SIDT2: variants seen among roughly 807,000 people sequenced by gnomAD.
SIDT2 encodes SID1 transmembrane family, member 2.
In SIDT2, 68 loss-of-function variants were observed where a neutral mutation model predicts 114.4. That is an observed-to-expected ratio of 0.59 (90% CI 0.49 to 0.73). The LOEUF is 0.73. Among genes scored for constraint, SIDT2 ranks in the 30% least tolerant of loss-of-function variants. SIDT2 has a pLI of 0.00. For synonymous variants in SIDT2, 470 were observed against 438.4 expected, an observed-to-expected ratio of 1.07 and a Z score of -0.90; for missense variants, 918 against 1,097.1, an observed-to-expected ratio of 0.84 and a Z score of 2.31.
chr11:117,192,866 TGTGA>T lies in SIDT2; in HGVS notation c.2105+3_2105+6del, dbSNP rs770346143. Reference sequence around the variant, plus strand: ...ATGGGCAACGTCATCAACTGGTCGCTGTGAGTATGGTCAGCAGTAGTGGCCTGGT... The same window carrying T: ...ATGGGCAACGTCATCAACTGGTCGCTGTATGGTCAGCAGTAGTGGCCTGGT... On this transcript the variant is annotated splice_donor_variant and splice_donor_region_variant and intron_variant, in intron 22 of 25. Transcript: ENST00000324225. LOFTEE classifies it high-confidence loss of function. The surrounding 1 kb of genome is among the most constrained non-coding windows in gnomAD (Gnocchi z 5.9). 8 of 1,613,970 alleles carry T rather than the reference TGTGA, an allele frequency of 5.0e-6. No individual in the cohort carries two copies. Among genetic ancestry groups the T allele is most frequent in the African/African-American group, 1.3e-5 (1 of 74,928 alleles).
chr11:117,192,582 A>G lies in SIDT2; in HGVS notation c.1990A>G (p.Ile664Val). 1 of 1,606,528 alleles carries G rather than the reference A, an allele frequency of 6.2e-7. No individual in the cohort carries two copies. Among genetic ancestry groups the G allele is most frequent in the Non-Finnish European group, 8.5e-7 (1 of 1,178,932 alleles). ...YMGRWKLDSG[I>V]FRRILHVLYT... The stretch of plus-strand genomic sequence containing the variant: ...CTCCCTTCTCTTCGCAGACTCGGGG[A>G]TCTTCCGCCGCATCCTCCACGTGCT... Residue 664 changes from isoleucine to valine, a missense_variant, in exon 21 of 26, where the codon ATC (isoleucine) becomes GTC (valine). By Grantham distance (29) the Ile-to-Val change is conservative (BLOSUM62 3). Coordinates refer to ENST00000324225, the MANE Select transcript of SIDT2 (RefSeq NM_001040455.2). This position sits in a 1 kb window ranked among gnomAD's most constrained non-coding sequence, Gnocchi z 5.9.
rs1290623542 is a variant in SIDT2 at position 117,191,873 on chromosome 11, C to T, written c.1736-5C>T. The stretch of plus-strand genomic sequence containing the variant: ...TGCAGCTCCCTTCCGTGTCCCTCAT[C>T]CTAGACACATCGTTCATGTACATGA... On this transcript the variant is annotated splice_polypyrimidine_tract_variant and splice_region_variant and intron_variant, in intron 18 of 25. Coordinates refer to ENST00000324225, the MANE Select transcript of SIDT2 (RefSeq NM_001040455.2). 2 of 1,614,004 alleles carry T rather than the reference C, an allele frequency of 1.2e-6. No individual in the cohort carries two copies. The highest frequency in any genetic ancestry group is 2.2e-5 in the East Asian group (1 of 44,882).
chr11:117,192,649 T>A lies in SIDT2; in HGVS notation c.2057T>A (p.Val686Glu). Residue 686 changes from valine to glutamate, a missense_variant and splice_region_variant, in exon 21 of 26, where the codon GTG becomes GAG. Physicochemically the swap from Val to Glu is moderately radical, Grantham distance 121. This residue lies in a region of SIDT2 where 275 missense variants were observed against 397.6 expected (regional missense o/e 0.69). Transcript: ENST00000324225. This position sits in a 1 kb window ranked among gnomAD's most constrained non-coding sequence, Gnocchi z 5.9. ...CGGCAGTGCAGCGGGCCGCTCTACGTGGTACCTGCCTGGTTCCCCTGCTCC... is the reference window on the plus strand; with the variant it reads ...CGGCAGTGCAGCGGGCCGCTCTACGAGGTACCTGCCTGGTTCCCCTGCTCC... ...CIRQCSGPLY[V>E]DRMVLLVMGN... The A allele has an allele frequency of 6.2e-7, 1 of 1,612,720 alleles. No homozygotes were observed. Among genetic ancestry groups the A allele is most frequent in the Non-Finnish European group, 8.5e-7 (1 of 1,180,006 alleles).
chr11:117,186,308 C>T, intron 9 of SIDT2, 85 bp downstream of exon 9: 2 of 1,233,912 alleles, frequency 1.6e-6, no homozygotes, highest in Admixed American at 1.7e-5. Flanking sequence ...TCTGAGCCAG[C>T]CTAGGGTAAT....
rs2030395329 is a variant in SIDT2 at position 117,183,884 on chromosome 11, T to C, written c.802+6T>C. 1 of 1,608,694 alleles carries C rather than the reference T, an allele frequency of 6.2e-7. No individual in the cohort carries two copies. ...TTTCTACCCCTTCGCAGAAGGTACA[T>C]TTTGTGCCCTGGGCCTGGCTAGGGA... On this transcript the variant is annotated splice_donor_region_variant and intron_variant, in intron 7 of 25. Transcript: ENST00000324225.
At chr11:117,186,031 G>A in intron 8 of SIDT2, 99 bp from the exon 9 acceptor site, 1 of 959,376 alleles carries the variant, frequency 1.0e-6, no homozygotes, top group East Asian at 2.4e-5. Context: ...AAGGGTGAGA[G>A]ATTGAGCTGG....
At chr11:117,180,782 T>C (rs1565283682) in intron 1 of SIDT2, among the ~76,000 whole-genome samples, 1 of 152,092 alleles carries the variant, frequency 6.6e-6, no homozygotes, top group Non-Finnish European at 1.5e-5. Flanking sequence ...ATGATCCTCC[T>C]GCCTTGGCCT....
Position 117,192,723 on chromosome 11 carries a change from T to C in SIDT2, c.2058+73T>C. ...CTCTGATGGGGGAGTGGGGCTGGGC[T>C]GAGGACCCAGGGGAGAGTGGGGACC... is the stretch of plus-strand genomic sequence containing the variant. On this transcript the variant is annotated intron_variant, in intron 21 of 25. Coordinates refer to ENST00000324225, the MANE Select transcript of SIDT2 (RefSeq NM_001040455.2). The surrounding 1 kb of genome is among the most constrained non-coding windows in gnomAD (Gnocchi z 5.9). The C allele has an allele frequency of 6.2e-7, 1 of 1,611,404 alleles. No individual in the cohort carries two copies. Among genetic ancestry groups the C allele is most frequent in the Non-Finnish European group, 8.5e-7 (1 of 1,178,208 alleles).
At chr11:117,187,558 T>C (rs2030545270) in intron 11 of SIDT2, 70 bp from the exon 12 acceptor site, 2 of 1,597,408 alleles carry the variant, frequency 1.3e-6, no homozygotes, top group Non-Finnish European at 1.7e-6. Context: ...CCCCACACCC[T>C]CTGCAGATGC....
intron 15 of SIDT2, 87 bp downstream of exon 15, chr11:117,189,488 C>T (rs2030622821): frequency 7.1e-7 from 1 of 1,407,414 alleles, no homozygotes; most frequent in Non-Finnish European, 9.8e-7. Flanking sequence ...CCCTGGTGTT[C>T]CATCACAGGA....
Position 117,186,050 on chromosome 11 carries a change from G to A in SIDT2, c.869-80G>A, listed in dbSNP as rs567689836. ...GTGAGAGATTGAGCTGGGTGGAGGA[G>A]GACATGAAGGCCTTTGGGTGCCATG... On this transcript the variant is annotated intron_variant, in intron 8 of 25. Transcript: ENST00000324225. 7.9e-4 allele frequency: 908 copies of A among 1,149,352 alleles called. 2 individuals are homozygous for A. Among genetic ancestry groups the A allele is most frequent in the Non-Finnish European group, 1.1e-3 (832 of 762,136 alleles). The allele number at this position is 1,149,352 out of a possible 1,614,324, so 71.2% of individuals were successfully genotyped here.
Position 117,190,522 on chromosome 11 carries a change from C to T in SIDT2, c.1618-101C>T, listed in dbSNP as rs892949365. On this transcript the variant is annotated intron_variant, in intron 17 of 25. Transcript: ENST00000324225. This position sits in a 1 kb window ranked among gnomAD's most constrained non-coding sequence, Gnocchi z 4.1. ...CACCCACACTCGACACATACCCCACCCCTTTTCCTCTTCCACTCCTCTTAG... is the reference window on the plus strand; with the variant it reads ...CACCCACACTCGACACATACCCCACTCCTTTTCCTCTTCCACTCCTCTTAG... 1.7e-6 allele frequency: 2 copies of T among 1,155,660 alleles called. No homozygotes were observed. Among genetic ancestry groups the T allele is most frequent in the South Asian group, 1.4e-5 (1 of 69,012 alleles). 71.6% of individuals were successfully genotyped at this position (1,155,660 alleles called of 1,614,324 possible).
chr11:117,182,950 C>T (rs1423411997), intron 6 of SIDT2, 144 bp downstream of exon 6: 8 of 856,482 alleles, frequency 9.3e-6, no homozygotes, highest in Middle Eastern at 3.6e-4. Flanking sequence ...ACTTTGAGTC[C>T]CCTGATATAT....
chr11:117,187,521 G>A (rs1565286607), intron 11 of SIDT2, 72 bp downstream of exon 11: 25 of 1,596,792 alleles, frequency 1.6e-5, no homozygotes, highest in Middle Eastern at 1.6e-4. Flanking sequence ...CCTCCGAGGC[G>A]GTAAAGTGGG....
rs76634080 is a variant in SIDT2, at chr11:117,179,294, C to G, written c.31C>G (p.Leu11Val). Reference sequence around the variant, plus strand: ...CGCTCTGGGCTTGCCCTTCTTGGTGCTCTTGGTGGCCTCGGTCGAGAGCCA... The same window carrying G: ...CGCTCTGGGCTTGCCCTTCTTGGTGGTCTTGGTGGCCTCGGTCGAGAGCCA... MFALGLPFLV[L>V]LVASVESHLG... The change falls in exon 1 of 26, where the codon CTC (leucine) becomes GTC (valine). Residue 11 changes from leucine to valine, a missense_variant. Transcript: ENST00000324225. 4.4e-4 allele frequency: 715 copies of G among 1,613,984 alleles called. 4 individuals carry two copies. In the East Asian group the frequency reaches 0.013, roughly 29 times the overall value.
chr11:117,189,348 A>G lies in SIDT2; in HGVS notation c.1366A>G (p.Ile456Val), dbSNP rs1363959194. The G allele has an allele frequency of 6.2e-7, 1 of 1,614,144 alleles. No homozygotes were observed. ...CCTGCTCCGCAGGAACATTGCCACCATTGCTGTCTTCTATGCCCTTCCTGT... is the reference window on the plus strand; with the variant it reads ...CCTGCTCCGCAGGAACATTGCCACCGTTGCTGTCTTCTATGCCCTTCCTGT... ...YQIYFWNIATIAVFYALPVVQ... is the reference protein window; with the variant it reads ...YQIYFWNIATVAVFYALPVVQ... Residue 456 changes from isoleucine to valine, a missense_variant, in exon 15 of 26, where the codon ATT becomes GTT. Coordinates refer to ENST00000324225, the MANE Select transcript of SIDT2 (RefSeq NM_001040455.2).
intron 18 of SIDT2, 54 bp from the exon 19 acceptor site, chr11:117,191,824 C>G: frequency 6.3e-7 from 1 of 1,597,432 alleles, no homozygotes; most frequent in Non-Finnish European, 8.5e-7. Flanking sequence ...CAGGAGTTCT[C>G]TGCTGGGGCT....
At chr11:117,191,727 T>A in intron 18 of SIDT2, 151 bp from the exon 19 acceptor site, 1 of 1,059,976 alleles carries the variant, frequency 9.4e-7, no homozygotes, top group East Asian at 2.4e-5. Flanking sequence ...ACTAAGGAAC[T>A]GAAGTTCAAG....
intron 6 of SIDT2, 40 bp from the exon 7 acceptor site, chr11:117,183,739 G>C (rs1026886496): frequency 1.4e-5 from 18 of 1,288,458 alleles, no homozygotes; most frequent in Admixed American, 5.1e-5. Context: ...GAATGATGAT[G>C]ATGATGATGA....
Sources: gnomAD v4.1 joint callset for allele counts (sites outside exome capture counted in the v4.1 genomes callset) on GRCh38, gnomAD v4.1.1 for gene constraint, gnomAD v4.1.1 regional missense constraint, Gnocchi (gnomAD v3.1) non-coding constraint, MANE v1.5 for transcripts, NCBI Gene and HGNC (gene_info 2026-07-23, HGNC 2026-07-21) for gene names.